Variants in VWA3B observed in about 807,000 individuals in gnomAD.
VWA3B encodes von Willebrand factor A domain-containing protein 3B.
A neutral mutation model predicts 158.3 loss-of-function variants in VWA3B; 138 were observed. The ratio of observed to expected loss-of-function variants is 0.87; its 90% CI spans 0.76 to 1.00. The LOEUF (loss-of-function observed/expected upper bound fraction) is 1.00, where lower values mean the gene tolerates loss of function less well. Ranked by LOEUF, VWA3B falls within the 50% of genes least tolerant of loss-of-function variation. VWA3B has a pLI of 0.00. For synonymous variants in VWA3B, 596 were observed against 587.3 expected (o/e 1.01, Z -0.21); for missense variants, 1,555 against 1,565.1 (o/e 0.99, Z 0.11).
intron 15 of VWA3B, among the ~76,000 whole-genome samples, chr2:98,228,629 G>A (rs1226986247): frequency 6.6e-6 from 1 of 152,144 alleles, no homozygotes; most frequent in Admixed American, 6.5e-5. Flanking sequence ...TGGGGAAGGA[G>A]CTCTGACTCA....
intron 7 of VWA3B, among the ~76,000 whole-genome samples, chr2:98,149,238 T>G (rs1274559906): frequency 6.6e-6 from 1 of 152,210 alleles, no homozygotes; most frequent in Non-Finnish European, 1.5e-5. Context: ...AACAATAATA[T>G]TATTGTTACT....
At chr2:98,220,919 A>G (rs1299113724) in intron 14 of VWA3B, among the ~76,000 whole-genome samples, 4 of 152,236 alleles carry the variant, frequency 2.6e-5, no homozygotes, top group East Asian at 1.9e-4. Flanking sequence ...GAGCCGAACA[A>G]TGAGAACACA....
In VWA3B at chr2:98,302,503, G is replaced by T. The variant is rs902622999; in HGVS notation, c.3421-1199G>T. ...ATGCCTGGAAAACAGACCCACAAGT[G>T]AACTAGATTGGTGAGCAAAAAGCCA... On this transcript the variant is annotated intron_variant, in intron 25 of 27. Transcript: ENST00000477737. 3.3e-5 allele frequency among the ~76,000 whole-genome samples: 5 copies of T among 152,308 alleles called. No individual in the cohort carries two copies. The South Asian group carries it at 1.0e-3, about 32-fold the overall frequency.
the VWA3B span, among the ~76,000 whole-genome samples, chr2:98,325,623 T>A: frequency 6.6e-6 from 1 of 152,190 alleles, no homozygotes; most frequent in Non-Finnish European, 1.5e-5. Context: ...ATTACCCAGG[T>A]GAATATTTTC....
chr2:98,263,732 A>G (rs1255978185), intron 21 of VWA3B, among the ~76,000 whole-genome samples: 4 of 151,978 alleles, frequency 2.6e-5, no homozygotes, highest in Non-Finnish European at 5.9e-5. Flanking sequence ...TGGTTATGAT[A>G]TCAGCGTAAT....
At chr2:98,236,783 AAATAAAAAGTAGTCCAAT>A (rs1685723173) in intron 19 of VWA3B, 53 bp downstream of exon 19, 1 of 1,559,484 alleles carries the variant, frequency 6.4e-7, no homozygotes, top group African/African-American at 1.4e-5. Flanking sequence ...TTTTCTGCTC[AAATAAAAAGTAGTCCAAT>A]TTCTTGTGTG....
intron 23 of VWA3B, chr2:98,292,078 T>G (rs1413352409): frequency 1.5e-5 from 2 of 130,192 alleles, no homozygotes; most frequent in East Asian, 4.7e-4. Context: ...ACCTCATCTC[T>G]ACTAAAAAAA....
At chr2:98,260,679 A>G (rs760514418) in intron 21 of VWA3B, among the ~76,000 whole-genome samples, 3 of 151,704 alleles carry the variant, frequency 2.0e-5, no homozygotes, top group South Asian at 2.1e-4. Flanking sequence ...ATGCCTCCCT[A>G]TGATTCTGTC....
At chr2:98,276,148 C>T (rs976173936) in intron 22 of VWA3B, among the ~76,000 whole-genome samples, 2 of 152,188 alleles carry the variant, frequency 1.3e-5, no homozygotes, top group Admixed American at 6.5e-5. Context: ...CATCTGGTGA[C>T]TTCTCCTCAG....
At chr2:98,193,502 C>T (rs1681767519) in intron 11 of VWA3B, among the ~76,000 whole-genome samples, 1 of 152,146 alleles carries the variant, frequency 6.6e-6, no homozygotes, top group African/African-American at 2.4e-5. Context: ...GTGTCCACAC[C>T]TGTCAAATGA....
intron 2 of VWA3B, among the ~76,000 whole-genome samples, chr2:98,096,927 A>C (rs1224277569): frequency 6.6e-6 from 1 of 152,148 alleles, no homozygotes; most frequent in African/African-American, 2.4e-5. Flanking sequence ...TCGCTAAGGT[A>C]AGGTAAAACA....
At chr2:98,256,240 A>T in intron 21 of VWA3B, 66 bp downstream of exon 21, 1 of 1,552,110 alleles carries the variant, frequency 6.4e-7, no homozygotes, top group Non-Finnish European at 8.8e-7. Context: ...AAAATTAACC[A>T]TTTTAAAGTG....
intron 2 of VWA3B, among the ~76,000 whole-genome samples, chr2:98,103,395 T>G (rs1338294633): frequency 6.6e-6 from 1 of 152,156 alleles, no homozygotes; most frequent in Non-Finnish European, 1.5e-5. Context: ...TTTTTAAACC[T>G]TTCTTCTTTT....
In VWA3B at chr2:98,232,185, A is replaced by C. The variant is rs146404711; in HGVS notation, c.2308+1978A>C. Among the ~76,000 whole-genome samples, 870 of 152,296 alleles carry C rather than the reference A, an allele frequency of 5.7e-3. 8 individuals are homozygous for C. The highest frequency in any genetic ancestry group is 0.02 in the African/African-American group (835 of 41,550). Reference sequence around the variant, plus strand: ...TGTAATGGTTTTAAGGATATTGTCCATTTCAGCTTGGTCGAGTTTTGGCAC... The same window carrying C: ...TGTAATGGTTTTAAGGATATTGTCCCTTTCAGCTTGGTCGAGTTTTGGCAC... On this transcript the variant is annotated intron_variant, in intron 16 of 27. Transcript: ENST00000477737.
chr2:98,165,224 T>C (rs1046079266), intron 8 of VWA3B, among the ~76,000 whole-genome samples: 4 of 152,204 alleles, frequency 2.6e-5, no homozygotes, highest in African/African-American at 9.6e-5. Flanking sequence ...GTTAGCTCAT[T>C]TCATATTTGC....
intron 7 of VWA3B, among the ~76,000 whole-genome samples, chr2:98,138,656 T>G (rs1445247289): frequency 6.6e-6 from 1 of 152,196 alleles, no homozygotes; most frequent in Non-Finnish European, 1.5e-5. Flanking sequence ...AAAGGAATAA[T>G]TACTCACCTG....
intron 21 of VWA3B, among the ~76,000 whole-genome samples, chr2:98,257,771 T>G (rs1289061370): frequency 6.6e-6 from 1 of 152,066 alleles, no homozygotes; most frequent in Admixed American, 6.5e-5. Flanking sequence ...CATTATCAGA[T>G]ATCTGATTTG....
At chr2:98,253,457 G>A (rs751383948) in intron 20 of VWA3B, among the ~76,000 whole-genome samples, 113 of 152,116 alleles carry the variant, frequency 7.4e-4, no homozygotes, top group Non-Finnish European at 1.4e-3. Context: ...AGCAATTTTG[G>A]CTTTGTGTGT....
chr2:98,118,954 C>A (rs1674739227), intron 3 of VWA3B, among the ~76,000 whole-genome samples: 1 of 152,148 alleles, frequency 6.6e-6, no homozygotes, highest in Admixed American at 6.5e-5. Context: ...AGCTCAAGGG[C>A]TGCTGGTAGC....
Sources: allele counts gnomAD v4.1 joint callset (sites outside exome capture counted in the v4.1 genomes callset), GRCh38; gene constraint gnomAD v4.1.1; transcripts MANE v1.5; gene names NCBI Gene and HGNC (gene_info 2026-07-23, HGNC 2026-07-21).